The following PARP9 variants were observed in gnomAD, a reference collection of about 807,000 sequenced individuals.
PARP9 encodes protein mono-ADP-ribosyltransferase PARP9.
Under a neutral mutation model 68.8 loss-of-function variants are expected in PARP9, and 48 were observed. That is an observed-to-expected ratio of 0.70 (90% CI 0.55 to 0.89). The LOEUF is 0.89. Ranked by LOEUF, PARP9 falls within the 40% of genes least tolerant of loss-of-function variation. PARP9 has a pLI of 0.00. For missense variants in PARP9, 806 were observed against 969.3 expected, an observed-to-expected ratio of 0.83 and a Z score of 2.24; for synonymous variants, 309 against 333.8, an observed-to-expected ratio of 0.93 and a Z score of 0.81.
intron 8 of PARP9, among the ~76,000 whole-genome samples, chr3:122,539,815 C>T (rs1409430891): frequency 2.0e-5 from 3 of 152,088 alleles, no homozygotes; most frequent in South Asian, 2.1e-4. Context: ...GCGCCCACCT[C>T]GGCCTCCCAA....
chr3:122,547,112 C>CTTTT (rs35670026), intron 6 of PARP9, among the ~76,000 whole-genome samples: 5 of 104,030 alleles, frequency 4.8e-5, no homozygotes, highest in Non-Finnish European at 4.0e-5. Context: ...ATTTTTTTTT[C>CTTTT]TTTTTTTTTT....
At chr3:122,533,413 G>A (rs1490339221) in intron 10 of PARP9, 2 of 152,334 alleles carry the variant, frequency 1.3e-5, no homozygotes, top group Non-Finnish European at 2.9e-5. Flanking sequence ...ATATGAACCT[G>A]CAGGTCAGGA....
In PARP9 at chr3:122,537,038, C is replaced by T. The variant is rs369798989; in HGVS notation, c.1801G>A (p.Glu601Lys). The change falls in exon 9 of 11, where the codon GAA becomes AAA. Residue 601 changes from glutamate to lysine, a missense_variant. Glu to Lys is a moderately conservative substitution (Grantham distance 56). This residue lies in a region of PARP9 where 680 missense variants were observed against 858.8 expected (regional missense o/e 0.79). Transcript: ENST00000682323. ...WTIQQQKTQD[E>K]MKENIIFLKC... ...AGAAATATGATATTTTCTTTCATTT[C>T]GTCTTGGGTTTTTTGTTGCTGAATA... 74 of 1,613,384 alleles carry T rather than the reference C, an allele frequency of 4.6e-5. No homozygotes were observed. The highest frequency in any genetic ancestry group is 6.7e-5 in the Admixed American group (4 of 59,980).
rs1406117591 is a variant in PARP9, at chr3:122,555,750, A to G, written c.421T>C (p.Ser141Pro). The G allele has an allele frequency of 1.2e-6, 2 of 1,613,782 alleles. No individual in the cohort carries two copies. Among genetic ancestry groups the G allele is most frequent in the Admixed American group, 1.7e-5 (1 of 59,960 alleles). Reference sequence around the variant, plus strand: ...CCCGTGACAGCTATCTCACCAGCTGACACTTTACCATATCTGGCAACAAAC... The same window carrying G: ...CCCGTGACAGCTATCTCACCAGCTGGCACTTTACCATATCTGGCAACAAAC... ...KQFVARYGKVSAGEIAVTGAG... is the reference protein window; with the variant it reads ...KQFVARYGKVPAGEIAVTGAG... Residue 141 changes from serine to proline, a missense_variant, in exon 4 of 11, where the codon TCA becomes CCA. Transcript: ENST00000682323.
At chr3:122,564,557 G>A (rs759291403), upstream of PARP9, 2 of 1,609,580 alleles carry the variant, frequency 1.2e-6, no homozygotes, top group Admixed American at 3.4e-5. Flanking sequence ...TGCACGGTCA[G>A]CACCCAGGAA....
At chr3:122,531,393 GCTA>G (rs2077295505) in intron 10 of PARP9, among the ~76,000 whole-genome samples, 1 of 152,164 alleles carries the variant, frequency 6.6e-6, no homozygotes, top group African/African-American at 2.4e-5. Context: ...TTGAGTCCTT[GCTA>G]CTTCTTATTA....
intron 3 of PARP9, among the ~76,000 whole-genome samples, chr3:122,557,090 G>A (rs1023873514): frequency 2.6e-5 from 4 of 152,140 alleles, no homozygotes; most frequent in Non-Finnish European, 4.4e-5. Flanking sequence ...CACCTGGGCC[G>A]ATTGAAATAA....
At chr3:122,564,466 C>A, upstream of PARP9, 2 of 1,612,316 alleles carry the variant, frequency 1.2e-6, no homozygotes, top group Non-Finnish European at 1.7e-6. Context: ...GCTCCTCGTG[C>A]GGGTGTACAA....
chr3:122,536,540 G>C, intron 9 of PARP9, 198 bp from the exon 10 acceptor site: 1 of 1,010,952 alleles, frequency 9.9e-7, no homozygotes, highest in African/African-American at 1.6e-5. Flanking sequence ...AAAATTCCCT[G>C]CCCCTTCTCT....
intron 10 of PARP9, chr3:122,533,616 A>G (rs910184171): frequency 1.0e-5 from 9 of 871,880 alleles, no homozygotes; most frequent in Non-Finnish European, 1.1e-5. Context: ...TTTTATTTAC[A>G]CTCTATTTCT....
intron 10 of PARP9, among the ~76,000 whole-genome samples, chr3:122,529,632 T>C (rs982112832): frequency 6.6e-6 from 1 of 151,306 alleles, no homozygotes; most frequent in African/African-American, 2.4e-5. Flanking sequence ...GGGGCGCCTG[T>C]AGTCCCAGCT....
chr3:122,550,914 C>T (rs1016721677), intron 5 of PARP9, 112 bp from the exon 6 acceptor site: 13 of 918,666 alleles, frequency 1.4e-5, no homozygotes, highest in Non-Finnish European at 2.0e-5. Flanking sequence ...CCTCAGGGTT[C>T]GTGTCCCTGC....
At chr3:122,558,728 C>G (rs772192459) in intron 2 of PARP9, among the ~76,000 whole-genome samples, 1 of 151,924 alleles carries the variant, frequency 6.6e-6, no homozygotes, top group Admixed American at 6.6e-5. Context: ...TATTGTTTTT[C>G]GAGACAAGGT....
At chr3:122,533,203 G>C (rs1231838703) in intron 10 of PARP9, 1 of 152,196 alleles carries the variant, frequency 6.6e-6, no homozygotes, top group Non-Finnish European at 1.5e-5. Context: ...GGGTATAAGG[G>C]TGAGGGAAAA....
At chr3:122,547,522 G>C (rs1389987665) in intron 6 of PARP9, among the ~76,000 whole-genome samples, 1 of 152,076 alleles carries the variant, frequency 6.6e-6, no homozygotes, top group African/African-American at 2.4e-5. Flanking sequence ...TTCTTTTCTA[G>C]ATGTGGTTAA....
chr3:122,552,369 A>G lies in PARP9; in HGVS notation c.1107+49T>C, dbSNP rs754027801. 3.2e-5 allele frequency: 42 copies of G among 1,302,316 alleles called. 1 individual carries two copies. In the Admixed American group the frequency reaches 8.8e-4, roughly 27 times the overall value. The allele number at this position is 1,302,316 out of a possible 1,614,324, so 80.7% of individuals were successfully genotyped here. On this transcript the variant is annotated intron_variant, in intron 5 of 10. Coordinates refer to ENST00000682323, the MANE Select transcript of PARP9 (RefSeq NM_001146105.2). ...ATGGAAATTTGTTTAAAAAAAAAAG[A>G]CTGTATAGACTATGGAGCTAAATAA...
chr3:122,538,692 ACT>A (rs1553714230), intron 8 of PARP9, among the ~76,000 whole-genome samples: 1 of 145,794 alleles, frequency 6.9e-6, no homozygotes, highest in Non-Finnish European at 1.5e-5. Flanking sequence ...ACACACACAC[ACT>A]CTAACAAAAT....
intron 8 of PARP9, among the ~76,000 whole-genome samples, chr3:122,537,618 G>T (rs1446780330): frequency 2.0e-5 from 3 of 152,124 alleles, no homozygotes; most frequent in Non-Finnish European, 4.4e-5. Flanking sequence ...AGTAAGTAAA[G>T]AACTAAGATT....
At chr3:122,546,395 C>T (rs917084435) in intron 6 of PARP9, among the ~76,000 whole-genome samples, 47 of 152,002 alleles carry the variant, frequency 3.1e-4, no homozygotes, top group African/African-American at 9.0e-4. Flanking sequence ...ACATGAGATA[C>T]GCAACACTTT....
Sources: gnomAD v4.1 joint callset for allele counts (sites outside exome capture counted in the v4.1 genomes callset) on GRCh38, gnomAD v4.1.1 for gene constraint, gnomAD v4.1.1 regional missense constraint, MANE v1.5 for transcripts, NCBI Gene and HGNC (gene_info 2026-07-23, HGNC 2026-07-21) for gene names.